The following SMAD3 variants were observed in gnomAD, a reference collection of about 807,000 sequenced individuals.
SMAD3 encodes SMAD family member 3.
In SMAD3, 12 loss-of-function variants were observed where a neutral mutation model predicts 51.8. The observed-to-expected ratio is 0.23, with a 90% CI of 0.15 to 0.38. The LOEUF (loss-of-function observed/expected upper bound fraction) is 0.38, where lower values mean the gene tolerates loss of function less well. Among genes scored for constraint, SMAD3 ranks in the 10% least tolerant of loss-of-function variants. The pLI is 1.00. For synonymous variants in SMAD3, 238 were observed against 227.7 expected (o/e 1.05, Z -0.41); for missense variants, 294 against 565.6 (o/e 0.52, Z 4.87).
chr15:67,142,003 A>G (rs1306039356), intron 1 of SMAD3, among the ~76,000 whole-genome samples: 2 of 152,266 alleles, frequency 1.3e-5, no homozygotes, highest in Admixed American at 6.5e-5. Context: ...TCAATCATAC[A>G]AACCTCACAG....
intron 6 of SMAD3, 28 bp from the exon 7 acceptor site, chr15:67,184,699 C>G: frequency 1.2e-6 from 2 of 1,613,656 alleles, no homozygotes; most frequent in Non-Finnish European, 1.7e-6. Flanking sequence ...CAAAGGCACC[C>G]TGTCCAGTCT....
At chr15:67,181,007 A>AATAG (rs1242121955) in intron 5 of SMAD3, among the ~76,000 whole-genome samples, 1 of 151,520 alleles carries the variant, frequency 6.6e-6, no homozygotes, top group Non-Finnish European at 1.5e-5. Flanking sequence ...TAAATAAATA[A>AATAG]AAAGAGAAAT....
At chr15:67,142,758 T>C in intron 1 of SMAD3, 1 of 407,804 alleles carries the variant, frequency 2.5e-6, no homozygotes, top group Non-Finnish European at 5.0e-6. Context: ...GATATATTGA[T>C]CTCAACATTT....
At chr15:67,118,539 G>A (rs968569001) in intron 1 of SMAD3, among the ~76,000 whole-genome samples, 7 of 152,170 alleles carry the variant, frequency 4.6e-5, no homozygotes, top group Admixed American at 4.6e-4. Context: ...GGTGAGGGGA[G>A]ATGTAAAGAG....
chr15:67,095,599 A>G (rs982352082), intron 1 of SMAD3, among the ~76,000 whole-genome samples: 2 of 151,982 alleles, frequency 1.3e-5, no homozygotes, highest in Non-Finnish European at 2.9e-5. Flanking sequence ...ATGGCTCAAT[A>G]TCGGCTCTCT....
chr15:67,076,649 C>G (rs1390057792), intron 1 of SMAD3, among the ~76,000 whole-genome samples: 3 of 152,216 alleles, frequency 2.0e-5, no homozygotes, highest in Non-Finnish European at 2.9e-5. Context: ...CTTTGGCCCT[C>G]CACCTGGCTG....
At position 67,181,228 on chromosome 15, in the gene SMAD3, C is replaced by G; in HGVS notation, c.659-13C>G. 2 of 1,609,534 alleles carry G rather than the reference C, an allele frequency of 1.2e-6. No homozygotes were observed. The highest frequency in any genetic ancestry group is 1.7e-6 in the Non-Finnish European group (2 of 1,177,826). On this transcript the variant is annotated splice_polypyrimidine_tract_variant and intron_variant, in intron 5 of 8. Transcript: ENST00000327367. ...GACACCCAATGACCCAGTAGCCCAC[C>G]CTGTGTCCACAGACCTGCAGCCAGT... is the stretch of plus-strand genomic sequence containing the variant.
chr15:67,188,047 C>T (rs571468368), intron 8 of SMAD3, among the ~76,000 whole-genome samples: 21 of 151,920 alleles, frequency 1.4e-4, no homozygotes, highest in African/African-American at 1.4e-4. Context: ...ACTGAGAGTC[C>T]GGGAAGGGAG....
In SMAD3 at chr15:67,165,307, C is replaced by G; in HGVS notation, c.455C>G (p.Pro152Arg). The G allele has an allele frequency of 1.9e-6, 3 of 1,614,216 alleles. No homozygotes were observed. The highest frequency in any genetic ancestry group is 2.5e-6 in the Non-Finnish European group (3 of 1,180,030). ...RHTEIPAEFPPLDDYSHSIPE... is the reference protein window; with the variant it reads ...RHTEIPAEFPRLDDYSHSIPE... ...ACAGAGATCCCGGCCGAGTTCCCCC[C>G]ACTGGACGACTACAGCCATTCCATC... The change falls in exon 3 of 9, where the codon CCA (proline) becomes CGA (arginine). Residue 152 changes from proline to arginine, a missense_variant. By Grantham distance (103) the Pro-to-Arg change is moderately radical. Around this residue, in one of 3 missense-constraint regions of SMAD3, gnomAD observed 147 missense variants for 260.9 expected, o/e 0.56. Coordinates refer to ENST00000327367, the MANE Select transcript of SMAD3 (RefSeq NM_005902.4).
At chr15:67,078,730 A>G (rs900353272) in intron 1 of SMAD3, among the ~76,000 whole-genome samples, 1 of 152,100 alleles carries the variant, frequency 6.6e-6, no homozygotes, top group East Asian at 1.9e-4. Flanking sequence ...AACTGAAGGC[A>G]AGACCAGGGG....
At chr15:67,142,089 G>A (rs537927741) in intron 1 of SMAD3, among the ~76,000 whole-genome samples, 3 of 152,220 alleles carry the variant, frequency 2.0e-5, no homozygotes, top group Admixed American at 6.5e-5. Flanking sequence ...TGAAGAGCTG[G>A]GGCCTGGACC....
chr15:67,166,624 C>G, intron 3 of SMAD3, 155 bp from the exon 4 acceptor site: 1 of 698,742 alleles, frequency 1.4e-6, no homozygotes. Context: ...GCGAGGACAA[C>G]AGAACCAAGA....
intron 1 of SMAD3, among the ~76,000 whole-genome samples, chr15:67,078,578 A>G (rs138371763): frequency 1.1e-3 from 163 of 152,320 alleles, no homozygotes; most frequent in Non-Finnish European, 2.0e-3. Context: ...GAGATTGGTT[A>G]TTATTTACCT....
chr15:67,187,471 C>G lies in SMAD3; in HGVS notation c.1116C>G (p.Ile372Met). The change falls in exon 8 of 9, where the codon ATC (isoleucine) becomes ATG (methionine). Residue 372 changes from isoleucine (I) to methionine (M), a missense_variant. Transcript: ENST00000327367. ...ACCAGTTGACCCGAATGTGCACCAT[C>G]CGCATGAGCTTCGTCAAAGGCTGGG... ...AVYQLTRMCT[I>M]RMSFVKGWGA... 1.2e-6 allele frequency: 2 copies of G among 1,614,196 alleles called. No individual in the cohort carries two copies. The highest frequency in any genetic ancestry group is 1.7e-6 in the Non-Finnish European group (2 of 1,180,040).
chr15:67,111,036 A>G (rs947119591), intron 1 of SMAD3, among the ~76,000 whole-genome samples: 1 of 152,212 alleles, frequency 6.6e-6, no homozygotes, highest in Non-Finnish European at 1.5e-5. Context: ...CTTTTAAGGG[A>G]TATGATTTAG....
At chr15:67,126,202 C>T (rs375771284) in intron 1 of SMAD3, among the ~76,000 whole-genome samples, 2 of 152,096 alleles carry the variant, frequency 1.3e-5, no homozygotes, top group African/African-American at 2.4e-5. Flanking sequence ...GCCTTCTTTG[C>T]GTCTTGGCAC....
chr15:67,172,765 G>A (rs547088060), intron 5 of SMAD3, among the ~76,000 whole-genome samples: 1 of 152,202 alleles, frequency 6.6e-6, no homozygotes, highest in Non-Finnish European at 1.5e-5. Context: ...ACTCCAGAGC[G>A]TGCACTCCCA....
intron 1 of SMAD3, among the ~76,000 whole-genome samples, chr15:67,091,744 G>A (rs1467313230): frequency 6.6e-6 from 1 of 152,178 alleles, no homozygotes; most frequent in Non-Finnish European, 1.5e-5. Context: ...GAAGGTAATA[G>A]CCTTCTAGAA....
At chr15:67,145,897 G>A (rs1475384062) in intron 1 of SMAD3, among the ~76,000 whole-genome samples, 2 of 152,172 alleles carry the variant, frequency 1.3e-5, no homozygotes, top group Non-Finnish European at 2.9e-5. Context: ...GAAGAAGCTG[G>A]GCTTTAATGT....
Sources: gnomAD v4.1 joint callset for allele counts (sites outside exome capture counted in the v4.1 genomes callset) on GRCh38, gnomAD v4.1.1 for gene constraint, gnomAD v4.1.1 regional missense constraint, MANE v1.5 for transcripts, NCBI Gene and HGNC (gene_info 2026-07-23, HGNC 2026-07-21) for gene names.